The following TCERG1L variants were observed in gnomAD, a reference collection of about 807,000 sequenced individuals.
TCERG1L encodes the protein transcription elongation regulator 1 like.
In TCERG1L, 37 loss-of-function variants were observed where a neutral mutation model predicts 56.3. The ratio of observed to expected loss-of-function variants is 0.66; its 90% CI spans 0.51 to 0.87. The LOEUF (loss-of-function observed/expected upper bound fraction) is 0.87. Among genes scored for constraint, TCERG1L ranks in the 40% least tolerant of loss-of-function variants. The pLI, the probability that TCERG1L is intolerant of heterozygous loss-of-function variation, is 0.00. For synonymous variants in TCERG1L, 324 were observed against 326.3 expected (o/e 0.99, Z 0.08); for missense variants, 799 against 774.2 (o/e 1.03, Z -0.38).
At chr10:131,195,690 G>A (rs1212992002) in intron 4 of TCERG1L, among the ~76,000 whole-genome samples, 1 of 152,204 alleles carries the variant, frequency 6.6e-6, no homozygotes, top group Non-Finnish European at 1.5e-5. Flanking sequence ...TGCTGCTTGA[G>A]GTGGTCCTTC....
chr10:131,163,201 G>A lies in TCERG1L; in HGVS notation c.955C>T (p.Pro319Ser). Residue 319 changes from proline (P) to serine (S), a missense_variant, in exon 6 of 12, where the codon CCG becomes TCG. Pro to Ser is a moderately conservative substitution (Grantham distance 74, BLOSUM62 -1). Coordinates refer to ENST00000368642, the MANE Select transcript of TCERG1L (RefSeq NM_174937.4). ...CTGTCCTCTCCTCCCCCCAGCATCG[G>A]TGGAGGCTCCTTTCAACAGAAAGAG... ...DGDKEDKEPP[P>S]MLGGGEDSTA... 2 of 1,546,424 alleles carry A rather than the reference G, an allele frequency of 1.3e-6. No individual in the cohort carries two copies. Among genetic ancestry groups the A allele is most frequent in the Non-Finnish European group, 8.7e-7 (1 of 1,147,094 alleles).
At position 131,116,821 on chromosome 10, in the gene TCERG1L, C is replaced by T. The variant is rs201078900; in HGVS notation, c.1373G>A (p.Arg458Gln). 32 of 1,569,502 alleles carry T rather than the reference C, an allele frequency of 2.0e-5. No individual in the cohort carries two copies. The highest frequency in any genetic ancestry group is 4.1e-5 in the African/African-American group (3 of 74,040). ...TACCCCTCTCTCCAGCAGCATGTCT[C>T]GGAAGTGGGTCACACGCTCCTCCAG... ...LPLEERVTHF[R>Q]DMLLERGVSA... The change falls in exon 9 of 12, where the codon CGA (arginine) becomes CAA (glutamine). Residue 458 changes from arginine (R) to glutamine (Q), a missense_variant. Transcript: ENST00000368642.
intron 8 of TCERG1L, among the ~76,000 whole-genome samples, chr10:131,117,856 T>C (rs1845474889): frequency 6.6e-6 from 1 of 152,222 alleles, no homozygotes; most frequent in African/African-American, 2.4e-5. Flanking sequence ...AGAAATATCC[T>C]TTTGAAAAAA....
intron 3 of TCERG1L, among the ~76,000 whole-genome samples, chr10:131,272,473 C>T (rs1038648719): frequency 6.6e-5 from 10 of 152,310 alleles, no homozygotes; most frequent in African/African-American, 4.8e-5. Flanking sequence ...CCAAGCTCCA[C>T]GGGCCCCTTT....
chr10:131,115,372 A>G (rs1845447577), intron 9 of TCERG1L, among the ~76,000 whole-genome samples: 1 of 152,140 alleles, frequency 6.6e-6, no homozygotes, highest in Non-Finnish European at 1.5e-5. Flanking sequence ...GAGGGCAGGA[A>G]GCCCCAGGGG....
chr10:131,165,369 G>A (rs1008529696), intron 5 of TCERG1L, among the ~76,000 whole-genome samples: 20 of 152,192 alleles, frequency 1.3e-4, no homozygotes, highest in African/African-American at 4.3e-4. Context: ...GTCTCTTTAC[G>A]TATGTTCATC....
intron 9 of TCERG1L, among the ~76,000 whole-genome samples, chr10:131,105,385 A>G (rs6482848): frequency 0.49 from 74,473 of 152,102 alleles, 18,815 homozygotes; most frequent in Middle Eastern, 0.6. Flanking sequence ...TTAGGGGTAC[A>G]GGTTGTGCTC....
chr10:131,256,675 GGAGTTCGA>G (rs1310655892), intron 4 of TCERG1L, among the ~76,000 whole-genome samples: 2 of 152,020 alleles, frequency 1.3e-5, no homozygotes, highest in Non-Finnish European at 2.9e-5. Flanking sequence ...CATGAGGTCA[GGAGTTCGA>G]GACCAGCCTG....
At chr10:131,158,491 A>G (rs1224719669) in intron 6 of TCERG1L, among the ~76,000 whole-genome samples, 1 of 152,226 alleles carries the variant, frequency 6.6e-6, no homozygotes, top group African/African-American at 2.4e-5. Flanking sequence ...TTTGTTGCAC[A>G]TGTGTTGAGT....
chr10:131,308,089 G>T, intron 3 of TCERG1L, 122 bp downstream of exon 3: 1 of 1,081,250 alleles, frequency 9.2e-7, no homozygotes, highest in Non-Finnish European at 1.3e-6. Flanking sequence ...TTGTGAAAAG[G>T]AATTATATTT....
At chr10:131,135,965 C>T (rs759793094) in intron 7 of TCERG1L, among the ~76,000 whole-genome samples, 31 of 152,332 alleles carry the variant, frequency 2.0e-4, no homozygotes, top group Non-Finnish European at 3.7e-4. Context: ...CCTGGCAGTG[C>T]TGACTCCGGA....
At chr10:131,307,822 C>T (rs576775895) in intron 3 of TCERG1L, among the ~76,000 whole-genome samples, 1 of 152,304 alleles carries the variant, frequency 6.6e-6, no homozygotes, top group East Asian at 1.9e-4. Flanking sequence ...CTGCGTCCTA[C>T]AGACCAGCAA....
chr10:131,133,781 AC>A (rs1453224714), intron 8 of TCERG1L, among the ~76,000 whole-genome samples: 1 of 152,184 alleles, frequency 6.6e-6, no homozygotes, highest in Non-Finnish European at 1.5e-5. Context: ...GGGATTCCCT[AC>A]CTCGGTGCAT....
intron 6 of TCERG1L, among the ~76,000 whole-genome samples, chr10:131,151,385 A>T (rs1324502559): frequency 7.0e-6 from 1 of 142,036 alleles, no homozygotes; most frequent in East Asian, 2.1e-4. Flanking sequence ...GCCAAAACAA[A>T]GAGGCTATAG....
rs76934244 is a variant in TCERG1L, at chr10:131,242,307, C to A, written c.856+17952G>T. On this transcript the variant is annotated intron_variant, in intron 4 of 11. Coordinates refer to ENST00000368642, the MANE Select transcript of TCERG1L (RefSeq NM_174937.4). ...GTGAGGGGCCTCCAGGGAAAAAGGA[C>A]GAGAAATAGAATAGAAAAGTACAGT... Among the ~76,000 whole-genome samples the A allele has an allele frequency of 2.4e-4, 37 of 151,986 alleles. No individual in the cohort carries two copies. In the East Asian group the frequency reaches 6.8e-3, roughly 28 times the overall value.
Position 131,117,801 on chromosome 10 carries a change from G to A in TCERG1L, c.1260-867C>T, listed in dbSNP as rs553358380. On this transcript the variant is annotated intron_variant, in intron 8 of 11. Transcript: ENST00000368642. ...CCCCCTTGCATTATTTTAACTGCAC[G>A]TGGATAGATCTTTATGGTTCTACAC... 9.2e-5 allele frequency among the ~76,000 whole-genome samples: 14 copies of A among 152,376 alleles called. No homozygotes were observed. In the East Asian group the frequency reaches 1.7e-3, roughly 19 times the overall value.
At chr10:131,281,342 A>T (rs1846450840) in intron 3 of TCERG1L, among the ~76,000 whole-genome samples, 1 of 152,162 alleles carries the variant, frequency 6.6e-6, no homozygotes, top group Admixed American at 6.5e-5. Flanking sequence ...CTTTGTCTGT[A>T]TCACAGATCA....
chr10:131,139,175 G>A (rs1845705556), intron 7 of TCERG1L, among the ~76,000 whole-genome samples: 1 of 152,252 alleles, frequency 6.6e-6, no homozygotes, highest in South Asian at 2.1e-4. Flanking sequence ...CTCTTTGGGA[G>A]AAGATTCGGC....
chr10:131,193,777 G>A (rs1016496934), intron 4 of TCERG1L, among the ~76,000 whole-genome samples: 3 of 152,208 alleles, frequency 2.0e-5, no homozygotes, highest in Non-Finnish European at 4.4e-5. Context: ...GTAATGTGAT[G>A]CCTCTAGCTT....
Sources: gnomAD v4.1 joint callset for allele counts (sites outside exome capture counted in the v4.1 genomes callset) on GRCh38, gnomAD v4.1.1 for gene constraint, MANE v1.5 for transcripts, NCBI Gene and HGNC (gene_info 2026-07-23, HGNC 2026-07-21) for gene names.